The following COX5A variants were observed in gnomAD, a reference collection of about 807,000 sequenced individuals.
COX5A encodes the protein cytochrome c oxidase subunit 5A.
A neutral mutation model predicts 16.1 loss-of-function variants in COX5A; 6 were observed. That is an observed-to-expected ratio of 0.37 (90% CI 0.20 to 0.73). The LOEUF is 0.73. COX5A is among the 30% of genes least tolerant of loss of function. COX5A has a pLI of 0.50. For missense variants in COX5A, 159 were observed against 194.9 expected (o/e 0.82, Z 1.10); for synonymous variants, 73 against 73.8 (o/e 0.99, Z 0.06).
At chr15:74,937,711 A>C in intron 1 of COX5A, 3 of 369,538 alleles carry the variant, frequency 8.1e-6, no homozygotes. Context: ...CACAGCCAGG[A>C]AGTTGCGCGG....
At chr15:74,934,532 C>A (rs1051892059) in intron 1 of COX5A, among the ~76,000 whole-genome samples, 20 of 152,178 alleles carry the variant, frequency 1.3e-4, no homozygotes, top group East Asian at 9.7e-4. Flanking sequence ...GGGGTTTCAC[C>A]GCGTTAGCCA....
At chr15:74,926,614 C>G (rs1195964297) in intron 3 of COX5A, 152 bp downstream of exon 3, 1 of 679,372 alleles carries the variant, frequency 1.5e-6, no homozygotes, top group Non-Finnish European at 2.2e-6. Flanking sequence ...AAAGTAGCCT[C>G]TAGAAAGATT....
intron 3 of COX5A, among the ~76,000 whole-genome samples, chr15:74,925,741 G>C (rs1191806127): frequency 1.3e-5 from 2 of 152,104 alleles, no homozygotes; most frequent in Non-Finnish European, 2.9e-5. Flanking sequence ...CAGTTGTGTA[G>C]TATAACCAGT....
At position 74,938,006 on chromosome 15, in the gene COX5A, G is replaced by A. The variant is rs1463950254; in HGVS notation, c.9C>T (p.Gly3=). The change falls in exon 1 of 5, where the codon GGC becomes GGT. Residue 3 remains glycine, a synonymous_variant. Transcript: ENST00000322347. The part of the protein sequence containing the change: ML[G]AALRRCAVAA... ...CCACAGCGCAGCGGCGGAGAGCGGC[G>A]CCCAGCATGACGGCGATGGCGGCGC... 5.7e-6 allele frequency: 7 copies of A among 1,231,560 alleles called. No individual in the cohort carries two copies. The highest frequency in any genetic ancestry group is 7.1e-6 in the Non-Finnish European group (7 of 987,650). 76.3% of individuals were successfully genotyped at this position (1,231,560 alleles called of 1,614,324 possible).
chr15:74,925,397 A>T (rs937713799), intron 3 of COX5A, among the ~76,000 whole-genome samples: 1 of 151,968 alleles, frequency 6.6e-6, no homozygotes, highest in Non-Finnish European at 1.5e-5. Context: ...GTATATATAT[A>T]TTTTTTGAGA....
chr15:74,928,244 T>C (rs1362791235), intron 2 of COX5A, among the ~76,000 whole-genome samples: 1 of 152,194 alleles, frequency 6.6e-6, no homozygotes, highest in Non-Finnish European at 1.5e-5. Context: ...TATTTTTTCA[T>C]GTTAAGTGTG....
At chr15:74,937,399 A>G (rs1442021075) in intron 1 of COX5A, among the ~76,000 whole-genome samples, 3 of 152,222 alleles carry the variant, frequency 2.0e-5, no homozygotes, top group Admixed American at 6.5e-5. Flanking sequence ...GGCACAGCAG[A>G]CCCTAAAAAT....
intron 3 of COX5A, 76 bp from the exon 4 acceptor site, chr15:74,923,846 T>C (rs2065332100): frequency 2.1e-6 from 2 of 944,362 alleles, no homozygotes; most frequent in Non-Finnish European, 3.4e-6. Flanking sequence ...AACTTAAAAA[T>C]GCCTTTAATT....
intron 1 of COX5A, among the ~76,000 whole-genome samples, chr15:74,930,076 C>G (rs892322886): frequency 2.0e-5 from 3 of 149,868 alleles, no homozygotes; most frequent in African/African-American, 7.4e-5. Context: ...AAGACTCCAA[C>G]TCAAAAAACA....
intron 1 of COX5A, chr15:74,937,644 C>T (rs2065397566): frequency 1.8e-5 from 5 of 278,384 alleles, no homozygotes; most frequent in Admixed American, 5.3e-5. Context: ...CGAAGGGGAG[C>T]GCTGCGTCCC....
intron 3 of COX5A, among the ~76,000 whole-genome samples, chr15:74,924,520 C>CAA (rs1555406782): frequency 8.4e-6 from 1 of 119,378 alleles, no homozygotes; most frequent in Non-Finnish European, 2.0e-5. Context: ...GACTCTGTCT[C>CAA]AAAAAAATAA....
intron 1 of COX5A, among the ~76,000 whole-genome samples, chr15:74,934,808 G>A (rs1254233071): frequency 6.6e-6 from 1 of 151,888 alleles, no homozygotes; most frequent in Admixed American, 6.6e-5. Context: ...AGCTTGAAAG[G>A]CAAATTATTT....
At chr15:74,921,028 C>A (rs1345781832) in intron 4 of COX5A, among the ~76,000 whole-genome samples, 1 of 151,894 alleles carries the variant, frequency 6.6e-6, no homozygotes, top group African/African-American at 2.4e-5. Context: ...AGAATATATC[C>A]TACATAAAAA....
At chr15:74,937,854 G>A (rs2065398947) in intron 1 of COX5A, 61 bp downstream of exon 1, 3 of 1,044,700 alleles carry the variant, frequency 2.9e-6, no homozygotes, top group South Asian at 4.9e-5. Context: ...CGGAGTGGCA[G>A]CGGGGACCCA....
intron 1 of COX5A, among the ~76,000 whole-genome samples, chr15:74,931,049 CTCA>C (rs1211257504): frequency 4.2e-5 from 5 of 118,888 alleles, no homozygotes; most frequent in Non-Finnish European, 8.8e-5. Context: ...AAAAAAAATT[CTCA>C]TGTTATTATA....
At chr15:74,922,804 T>G (rs899841230) in intron 4 of COX5A, among the ~76,000 whole-genome samples, 4 of 151,862 alleles carry the variant, frequency 2.6e-5, no homozygotes, top group Admixed American at 6.6e-5. Flanking sequence ...TAGCTGGGAC[T>G]ACAGGCACAT....
At chr15:74,924,939 T>C (rs985561358) in intron 3 of COX5A, among the ~76,000 whole-genome samples, 2 of 152,206 alleles carry the variant, frequency 1.3e-5, no homozygotes, top group Non-Finnish European at 1.5e-5. Context: ...AGAATACATA[T>C]GTCCAGGGCT....
intron 1 of COX5A, among the ~76,000 whole-genome samples, chr15:74,933,085 A>G (rs939420977): frequency 2.0e-5 from 3 of 152,162 alleles, no homozygotes; most frequent in Admixed American, 6.6e-5. Context: ...TGGATATTTA[A>G]TAAGTCTTAC....
At position 74,920,285 on chromosome 15, in the gene COX5A, A is replaced by G. The variant is rs1434243852; in HGVS notation, c.*167T>C. The G allele has an allele frequency of 1.6e-6, 1 of 638,756 alleles. No individual in the cohort carries two copies. Among genetic ancestry groups the G allele is most frequent in the Non-Finnish European group, 2.8e-6 (1 of 362,738 alleles). The allele number at this position is 638,756 out of a possible 1,614,324, so 39.6% of individuals were successfully genotyped here. A position where few individuals can be genotyped will look rare whatever the true frequency, so the allele number is the denominator to read the frequency against. On this transcript the variant is annotated 3_prime_UTR_variant, in exon 5 of 5. Coordinates refer to ENST00000322347, the MANE Select transcript of COX5A (RefSeq NM_004255.4). ...GAAACAAATACCTAATTTCAGTTCA[A>G]ACTCATTTCCCTTTTATTAAAGTCC...
Sources: allele counts gnomAD v4.1 joint callset (sites outside exome capture counted in the v4.1 genomes callset), GRCh38; gene constraint gnomAD v4.1.1; transcripts MANE v1.5; gene names NCBI Gene and HGNC (gene_info 2026-07-23, HGNC 2026-07-21).